The following PTPRN2 variants were observed in gnomAD, a reference collection of about 807,000 sequenced individuals.
The protein encoded by PTPRN2 is receptor-type tyrosine-protein phosphatase N2.
PTPRN2 carries 74 observed loss-of-function variants against 118.8 expected under a neutral mutation model. The ratio of observed to expected loss-of-function variants is 0.62; its 90% CI spans 0.52 to 0.76. The LOEUF (loss-of-function observed/expected upper bound fraction) is 0.76, where lower values mean the gene tolerates loss of function less well. Among genes scored for constraint, PTPRN2 ranks in the 30% least tolerant of loss-of-function variants. PTPRN2 has a pLI of 0.00. For synonymous variants in PTPRN2, 641 were observed against 608.0 expected, an observed-to-expected ratio of 1.05 and a Z score of -0.80; for missense variants, 1,481 against 1,394.4, an observed-to-expected ratio of 1.06 and a Z score of -0.99.
At chr7:158,131,215 C>T (rs1002288888) in intron 9 of PTPRN2, among the ~76,000 whole-genome samples, 3 of 151,724 alleles carry the variant, frequency 2.0e-5, no homozygotes, top group South Asian at 4.2e-4. Flanking sequence ...TATACACACA[C>T]GTACATACAC....
chr7:157,933,331 T>A (rs1799499553), intron 11 of PTPRN2, among the ~76,000 whole-genome samples: 1 of 147,128 alleles, frequency 6.8e-6, no homozygotes, highest in Non-Finnish European at 1.5e-5. Context: ...TCATTCTGAT[T>A]GACAGTTTTA....
In PTPRN2 at chr7:157,929,451, C is replaced by A. The variant is rs75465341; in HGVS notation, c.1724-30714G>T. On this transcript the variant is annotated intron_variant, in intron 11 of 22. Transcript: ENST00000389418. This position sits in a 1 kb window ranked among gnomAD's most constrained non-coding sequence, Gnocchi z 4.4. ...TTTGTTCCTTTTAGGAGGAAGCCACCGGATCGTTTCCCATGCTTAAGCTCA... is the reference window on the plus strand; with the variant it reads ...TTTGTTCCTTTTAGGAGGAAGCCACAGGATCGTTTCCCATGCTTAAGCTCA... Among the ~76,000 whole-genome samples, 1 of 152,066 alleles carries A rather than the reference C, an allele frequency of 6.6e-6. No homozygotes were observed. Among genetic ancestry groups the A allele is most frequent in the Non-Finnish European group, 1.5e-5 (1 of 67,994 alleles).
At chr7:158,062,082 C>T (rs1810391408) in intron 11 of PTPRN2, among the ~76,000 whole-genome samples, 1 of 152,268 alleles carries the variant, frequency 6.6e-6, no homozygotes, top group South Asian at 2.1e-4. Context: ...AGAGCCCACG[C>T]TGACTTCTGC....
In PTPRN2 at chr7:157,840,330, C is replaced by T. The variant is rs549591484; in HGVS notation, c.1788+58343G>A. 1.3e-4 allele frequency among the ~76,000 whole-genome samples: 15 copies of T among 118,586 alleles called. No homozygotes were observed. In the East Asian group the frequency reaches 2.1e-3, roughly 17 times the overall value. 77.8% of individuals were successfully genotyped at this position (118,586 alleles called of 152,430 possible). A position where few individuals can be genotyped will look rare whatever the true frequency, so the allele number is the denominator to read the frequency against. On this transcript the variant is annotated intron_variant, in intron 12 of 22. Coordinates refer to ENST00000389418, the MANE Select transcript of PTPRN2 (RefSeq NM_002847.5). ...GTGTGGCCACGTGTGACTGTGTGAC[C>T]GCGTGTGACGTGTGGCCGCGTGTGA...
At chr7:158,144,653 A>AAGGGGAAGGG (rs1819719981) in intron 6 of PTPRN2, among the ~76,000 whole-genome samples, 1 of 151,978 alleles carries the variant, frequency 6.6e-6, no homozygotes, top group Admixed American at 6.6e-5. Context: ...AAGGGGAAGG[A>AAGGGGAAGGG]GAAGGGGGAC....
At chr7:158,551,060 C>T (rs897390128) in intron 1 of PTPRN2, among the ~76,000 whole-genome samples, 1 of 152,236 alleles carries the variant, frequency 6.6e-6, no homozygotes, top group Admixed American at 6.5e-5. Context: ...GGGAGGCATC[C>T]GCACCAGCTG....
chr7:158,359,751 A>G (rs142237509), intron 2 of PTPRN2, among the ~76,000 whole-genome samples: 1 of 152,304 alleles, frequency 6.6e-6, no homozygotes, highest in East Asian at 1.9e-4. Context: ...TAATGAAAGC[A>G]ATTTATTTGA....
chr7:157,876,393 G>C (rs569912142), intron 12 of PTPRN2, among the ~76,000 whole-genome samples: 1 of 152,228 alleles, frequency 6.6e-6, no homozygotes, highest in African/African-American at 2.4e-5. Context: ...TGTCACCAGA[G>C]CCTGGAGACA....
At chr7:157,546,296 C>G (rs113368960) in intron 22 of PTPRN2, among the ~76,000 whole-genome samples, 4,218 of 152,250 alleles carry the variant, frequency 0.028, 198 homozygotes, top group African/African-American at 0.096. Flanking sequence ...TATTTAAGTT[C>G]TGGGATACAT....
intron 3 of PTPRN2, among the ~76,000 whole-genome samples, chr7:158,247,919 C>T (rs1223369277): frequency 6.6e-6 from 1 of 152,136 alleles, no homozygotes; most frequent in African/African-American, 2.4e-5. Flanking sequence ...CCCAGCCTAC[C>T]ATCTGTGTTC....
chr7:157,911,624 A>G (rs542090910), intron 11 of PTPRN2, among the ~76,000 whole-genome samples: 53 of 152,332 alleles, frequency 3.5e-4, no homozygotes, highest in Non-Finnish European at 4.0e-4. Flanking sequence ...TCCAAAGAAT[A>G]ATAAGACAGC....
At chr7:157,939,792 T>C (rs1178878888) in intron 11 of PTPRN2, among the ~76,000 whole-genome samples, 5 of 152,164 alleles carry the variant, frequency 3.3e-5, no homozygotes, top group Non-Finnish European at 4.4e-5. Context: ...CTTGGATAGG[T>C]GCATTTGGCT....
intron 2 of PTPRN2, among the ~76,000 whole-genome samples, chr7:158,336,840 T>TGA (rs1563165816): frequency 1.1e-5 from 1 of 88,922 alleles, no homozygotes; most frequent in Non-Finnish European, 2.5e-5. Context: ...CAGACGTCAC[T>TGA]CACCCACACT....
chr7:158,337,590 C>T (rs1279634363), intron 2 of PTPRN2, among the ~76,000 whole-genome samples: 6 of 139,766 alleles, frequency 4.3e-5, no homozygotes, highest in African/African-American at 1.4e-4. Context: ...CTGCAGACGT[C>T]ACTCACACCC....
intron 6 of PTPRN2, among the ~76,000 whole-genome samples, chr7:158,157,628 C>T (rs1467768072): frequency 4.6e-5 from 7 of 152,232 alleles, no homozygotes; most frequent in Admixed American, 4.6e-4. Context: ...GGCTGCCAGC[C>T]ACACACGGCC....
chr7:157,688,537 C>A (rs989721941), intron 12 of PTPRN2, among the ~76,000 whole-genome samples: 28 of 152,210 alleles, frequency 1.8e-4, no homozygotes, highest in Non-Finnish European at 3.4e-4. Context: ...AAGGCACCGG[C>A]TCCTGACCCC....
chr7:158,288,363 CT>C (rs1396868029), intron 3 of PTPRN2, among the ~76,000 whole-genome samples: 6 of 152,018 alleles, frequency 3.9e-5, no homozygotes, highest in Non-Finnish European at 7.4e-5. Flanking sequence ...GTCCTTTTTC[CT>C]TTCATCCTCT....
intron 21 of PTPRN2, among the ~76,000 whole-genome samples, chr7:157,557,552 C>CACACACACA (rs1798968002): frequency 1.5e-4 from 23 of 149,728 alleles, no homozygotes; most frequent in African/African-American, 5.4e-4. Flanking sequence ...ACACACACTC[C>CACACACACA]CACACACACA....
chr7:157,760,063 G>T (rs527401746), intron 12 of PTPRN2, among the ~76,000 whole-genome samples: 3 of 152,180 alleles, frequency 2.0e-5, no homozygotes, highest in Non-Finnish European at 2.9e-5. Context: ...GCTGCAGGCC[G>T]CCAGGGTGCT....
Sources: gnomAD v4.1 joint callset for allele counts (sites outside exome capture counted in the v4.1 genomes callset) on GRCh38, gnomAD v4.1.1 for gene constraint, Gnocchi (gnomAD v3.1) non-coding constraint, MANE v1.5 for transcripts, NCBI Gene and HGNC (gene_info 2026-07-23, HGNC 2026-07-21) for gene names.